Variants in PPP2R5C observed in about 807,000 individuals in gnomAD.
PPP2R5C encodes protein phosphatase 2 regulatory subunit B'gamma, also known as serine/threonine-protein phosphatase 2A 56 kDa regulatory subunit gamma isoform.
Under a neutral mutation model 68.9 loss-of-function variants are expected in PPP2R5C, and 7 were observed. The ratio of observed to expected loss-of-function variants is 0.10; its 90% CI spans 0.06 to 0.19. PPP2R5C has a LOEUF of 0.19. Among genes scored for constraint, PPP2R5C ranks in the 10% least tolerant of loss-of-function variants. The pLI is 1.00. For missense variants in PPP2R5C, 348 were observed against 641.3 expected (o/e 0.54, Z 4.94); for synonymous variants, 210 against 222.2 (o/e 0.95, Z 0.49).
chr14:101,875,079 A>G (rs867985826), intron 2 of PPP2R5C, among the ~76,000 whole-genome samples: 5 of 152,350 alleles, frequency 3.3e-5, no homozygotes, highest in Admixed American at 2.0e-4. Context: ...GCTATTTAGG[A>G]ACATATTTGA....
intron 2 of PPP2R5C, among the ~76,000 whole-genome samples, chr14:101,767,279 T>C (rs1375297694): frequency 2.0e-5 from 3 of 152,262 alleles, no homozygotes; most frequent in Admixed American, 2.0e-4. Context: ...GCATAGGTGC[T>C]AGGCGGAAGG....
chr14:101,894,407 C>T, intron 7 of PPP2R5C, 100 bp from the exon 10 acceptor site: 1 of 1,119,052 alleles, frequency 8.9e-7, no homozygotes, highest in South Asian at 1.3e-5. Flanking sequence ...ACCGTGGGTC[C>T]TTGTCTTGCT....
At chr14:101,814,754 T>C (rs1427028091) in intron 1 of PPP2R5C, among the ~76,000 whole-genome samples, 2 of 152,218 alleles carry the variant, frequency 1.3e-5, no homozygotes, top group Non-Finnish European at 2.9e-5. Flanking sequence ...AAAGACAAAG[T>C]GGTTTGGGAT....
intron 1 of PPP2R5C, chr14:101,843,994 C>T (rs374412915): frequency 2.6e-5 from 4 of 156,226 alleles, no homozygotes; most frequent in East Asian, 1.9e-4. Flanking sequence ...TCAGTGTTAC[C>T]GTAATCGGAC....
intron 6 of PPP2R5C, among the ~76,000 whole-genome samples, 170 bp downstream of exon 8, chr14:101,890,466 G>GCA (rs1047779503): frequency 2.0e-4 from 31 of 152,296 alleles, no homozygotes; most frequent in Non-Finnish European, 8.8e-5. Context: ...TTAGATTAGA[G>GCA]CACGCCAAAT....
In PPP2R5C at chr14:101,766,342, T is replaced by G. The variant is rs1263094744; in HGVS notation, c.93+3372T>G. On this transcript the variant is annotated intron_variant, in intron 2 of 14. Coordinates refer to the PPP2R5C transcript ENST00000328724. Reference sequence around the variant, plus strand: ...AGAAAATAAACATGCCGATTCTTGCTTTGCCATAAATGATGTCACCTAACT... The same window carrying G: ...AGAAAATAAACATGCCGATTCTTGCGTTGCCATAAATGATGTCACCTAACT... 3 of 152,338 alleles carry G rather than the reference T, an allele frequency of 2.0e-5. No homozygotes were observed. In the South Asian group the frequency reaches 6.2e-4, roughly 32 times the overall value. 9.4% of individuals were successfully genotyped at this position (152,338 alleles called of 1,614,324 possible).
chr14:101,806,357 G>A (rs2039078797), upstream of PPP2R5C, among the ~76,000 whole-genome samples: 1 of 151,686 alleles, frequency 6.6e-6, no homozygotes. Flanking sequence ...AAATCATTTA[G>A]TGTTTGGTTT....
chr14:101,818,839 C>T, intron 1 of PPP2R5C: 1 of 602,794 alleles, frequency 1.7e-6, no homozygotes, highest in Non-Finnish European at 3.0e-6. Flanking sequence ...GAGCTGTTAA[C>T]AGTGATTAGG....
chr14:101,857,978 T>C (rs955351244), intron 2 of PPP2R5C, among the ~76,000 whole-genome samples: 4 of 152,232 alleles, frequency 2.6e-5, no homozygotes, highest in Non-Finnish European at 4.4e-5. Context: ...GTCTACTGTG[T>C]CAGAGGTTGA....
intron 2 of PPP2R5C, among the ~76,000 whole-genome samples, chr14:101,767,949 C>G (rs1382793709): frequency 6.6e-6 from 1 of 152,150 alleles, no homozygotes; most frequent in African/African-American, 2.4e-5. Context: ...GCTGCAAGGT[C>G]GGTAGACCCC....
chr14:101,890,565 T>G (rs530872500), intron 6 of PPP2R5C, among the ~76,000 whole-genome samples: 2 of 152,318 alleles, frequency 1.3e-5, no homozygotes, highest in East Asian at 3.9e-4. Flanking sequence ...ATTCCAGTTA[T>G]TTCCTCAAGA....
Position 101,831,700 on chromosome 14 carries a change from G to T in PPP2R5C, c.94+21664G>T, listed in dbSNP as rs536438990. 3.2e-5 allele frequency: 22 copies of T among 693,332 alleles called. No homozygotes were observed. The African/African-American group carries it at 3.7e-4, about 12-fold the overall frequency. The allele number at this position is 693,332 out of a possible 1,614,324, so 42.9% of individuals were successfully genotyped here. ...TGTGGATTTTTTTCAACCAAATGCA[G>T]ATTGCAAATGCACAAGATTCGAGAC... is the stretch of plus-strand genomic sequence containing the variant. On this transcript the variant is annotated intron_variant, in intron 1 of 13. Coordinates refer to ENST00000334743, the Ensembl canonical transcript of PPP2R5C.
At chr14:101,909,956 ATT>A (rs1410890149) in intron 11 of PPP2R5C, among the ~76,000 whole-genome samples, 1 of 152,146 alleles carries the variant, frequency 6.6e-6, no homozygotes, top group African/African-American at 2.4e-5. Flanking sequence ...AACATTCAGA[ATT>A]TTTTCTTTTC....
intron 1 of PPP2R5C, among the ~76,000 whole-genome samples, chr14:101,847,898 T>C (rs1437482982): frequency 6.6e-6 from 1 of 152,134 alleles, no homozygotes; most frequent in Non-Finnish European, 1.5e-5. Flanking sequence ...CTTGACTTCA[T>C]GATCTGCCCT....
At chr14:101,925,063 T>G in intron 13 of PPP2R5C, 78 bp from the exon 16 acceptor site, 1 of 1,542,320 alleles carries the variant, frequency 6.5e-7, no homozygotes, top group Non-Finnish European at 8.9e-7. Flanking sequence ...CGGTTATCCT[T>G]TGACTTCCAC....
At chr14:101,900,962 C>G (rs1468210954) in intron 8 of PPP2R5C, among the ~76,000 whole-genome samples, 1 of 152,228 alleles carries the variant, frequency 6.6e-6, no homozygotes, top group Non-Finnish European at 1.5e-5. Context: ...GCACAGTACG[C>G]CCTGCCCGGG....
At chr14:101,788,444 C>T (rs2038220886) in intron 3 of PPP2R5C, among the ~76,000 whole-genome samples, 2 of 152,202 alleles carry the variant, frequency 1.3e-5, no homozygotes. Context: ...CCGGTGTGTG[C>T]CGGCCTCTAG....
At chr14:101,869,629 T>C (rs1595425142) in intron 2 of PPP2R5C, among the ~76,000 whole-genome samples, 1 of 152,148 alleles carries the variant, frequency 6.6e-6, no homozygotes, top group Non-Finnish European at 1.5e-5. Flanking sequence ...TAATTTGCAT[T>C]TCCTTAATGA....
At chr14:101,813,190 A>C (rs1319607140) in intron 1 of PPP2R5C, among the ~76,000 whole-genome samples, 1 of 152,222 alleles carries the variant, frequency 6.6e-6, no homozygotes, top group African/African-American at 2.4e-5. Context: ...AACTGTAGTT[A>C]TTGTAAATTT....
Sources: allele counts gnomAD v4.1 joint callset (sites outside exome capture counted in the v4.1 genomes callset), GRCh38; gene constraint gnomAD v4.1.1; transcripts MANE v1.5; gene names NCBI Gene and HGNC (gene_info 2026-07-23, HGNC 2026-07-21).